The following DNAJC5B variants were observed in gnomAD, a reference collection of about 807,000 sequenced individuals.
The protein encoded by DNAJC5B is DnaJ heat shock protein family (Hsp40) member C5 beta, also known as dnaJ homolog subfamily C member 5B.
In DNAJC5B, 23 loss-of-function variants were observed where a neutral mutation model predicts 24.7. The observed-to-expected ratio is 0.93, with a 90% CI of 0.67 to 1.32. The LOEUF is 1.32. Ranked by LOEUF, DNAJC5B falls within the 40% of genes most tolerant of loss-of-function variation. The pLI, the probability that DNAJC5B is intolerant of heterozygous loss-of-function variation, is 0.00. For missense variants in DNAJC5B, 238 were observed against 240.8 expected (o/e 0.99, Z 0.08); for synonymous variants, 101 against 90.1 (o/e 1.12, Z -0.68).
intron 5 of DNAJC5B, among the ~76,000 whole-genome samples, chr8:66,083,441 T>A (rs1002870182): frequency 2.0e-5 from 3 of 152,224 alleles, no homozygotes; most frequent in African/African-American, 7.2e-5. Context: ...GATAATGTTG[T>A]CTACATTTTT....
the DNAJC5B span, among the ~76,000 whole-genome samples, chr8:66,016,065 G>A: frequency 0.015 from 2,298 of 152,332 alleles, 19 homozygotes; most frequent in Non-Finnish European, 0.024. Flanking sequence ...TAAGACTAAG[G>A]CACTGGCCTT....
At chr8:66,075,992 G>A (rs1167508121) in intron 3 of DNAJC5B, among the ~76,000 whole-genome samples, 2 of 152,216 alleles carry the variant, frequency 1.3e-5, no homozygotes, top group Admixed American at 1.3e-4. Flanking sequence ...ATTTCCAGCA[G>A]AGTCCCTCAG....
At chr8:66,029,603 G>A (rs1220172744) in intron 1 of DNAJC5B, among the ~76,000 whole-genome samples, 1 of 152,174 alleles carries the variant, frequency 6.6e-6, no homozygotes, top group East Asian at 1.9e-4. Context: ...GAGATAATAA[G>A]CTTGGTCAAG....
intron 1 of DNAJC5B, among the ~76,000 whole-genome samples, chr8:66,040,900 A>T (rs1353797327): frequency 6.6e-6 from 1 of 152,144 alleles, no homozygotes; most frequent in Non-Finnish European, 1.5e-5. Flanking sequence ...TTTAAAAGGG[A>T]CTTTTTTTTT....
At position 66,100,006 on chromosome 8, in the gene DNAJC5B, C is replaced by T. The variant is rs1260512929; in HGVS notation, c.575C>T (p.Ser192Phe). 1 of 1,613,880 alleles carries T rather than the reference C, an allele frequency of 6.2e-7. No homozygotes were observed. Among genetic ancestry groups the T allele is most frequent in the Admixed American group, 1.7e-5 (1 of 59,978 alleles). The change falls in exon 6 of 6, where the codon TCT becomes TTT. Residue 192 changes from serine (S) to phenylalanine (F), a missense_variant. Ser to Phe is a radical substitution (Grantham distance 155). Coordinates refer to ENST00000276570, the MANE Select transcript of DNAJC5B (RefSeq NM_033105.6). Reference sequence around the variant, plus strand: ...AAAACACAGCTAATCAAAGAAGGATCTCGAAGTTATTGCACAGACTCTTGA... The same window carrying T: ...AAAACACAGCTAATCAAAGAAGGATTTCGAAGTTATTGCACAGACTCTTGA... ...NEKTQLIKEG[S>F]RSYCTDS
chr8:66,026,391 C>T (rs893210319), intron 1 of DNAJC5B, among the ~76,000 whole-genome samples: 1 of 152,148 alleles, frequency 6.6e-6, no homozygotes, highest in Admixed American at 6.5e-5. Context: ...CACAGGTATG[C>T]CAAGCAAACT....
At position 66,051,617 on chromosome 8, in the gene DNAJC5B, C is replaced by A. The variant is rs765630109; in HGVS notation, c.70C>A (p.Leu24Ile). 5.0e-6 allele frequency: 8 copies of A among 1,614,118 alleles called. No individual in the cohort carries two copies. The highest frequency in any genetic ancestry group is 5.9e-6 in the Non-Finnish European group (7 of 1,180,020). Residue 24 changes from leucine (L) to isoleucine (I), a missense_variant, in exon 3 of 6, where the codon CTT becomes ATT. Transcript: ENST00000276570. ...STTGEALYEI[L>I]GLHKGASNEE... ...AACAGGAGAAGCTCTATACGAAATT[C>A]TTGGTCTGCATAAGGGAGCATCAAA... is the stretch of plus-strand genomic sequence containing the variant.
chr8:66,067,070 A>G (rs904464795), intron 3 of DNAJC5B, among the ~76,000 whole-genome samples: 4 of 152,148 alleles, frequency 2.6e-5, no homozygotes, highest in African/African-American at 9.7e-5. Flanking sequence ...AAAGAAGACA[A>G]CGAAGACATA....
the DNAJC5B span, among the ~76,000 whole-genome samples, chr8:66,015,602 G>C: frequency 6.6e-6 from 1 of 152,014 alleles, no homozygotes; most frequent in Non-Finnish European, 1.5e-5. Flanking sequence ...GTAGAAATTA[G>C]CTAAAGGGAA....
At chr8:66,098,997 GTCTC>G (rs146100489) in intron 5 of DNAJC5B, among the ~76,000 whole-genome samples, 3,538 of 142,878 alleles carry the variant, frequency 0.025, 144 homozygotes, top group African/African-American at 0.086. Context: ...GTCTCTCTCT[GTCTC>G]TCTCTCTCTC....
chr8:66,060,574 T>C (rs1807059670), intron 3 of DNAJC5B, among the ~76,000 whole-genome samples: 1 of 152,198 alleles, frequency 6.6e-6, no homozygotes. Flanking sequence ...ACTGGGTAAA[T>C]AAAGTGTATT....
intron 1 of DNAJC5B, among the ~76,000 whole-genome samples, chr8:66,033,682 GAACA>G: frequency 6.6e-6 from 1 of 150,618 alleles, no homozygotes; most frequent in Non-Finnish European, 1.5e-5. Context: ...TCTACCAGCC[GAACA>G]CTTCCACAAG....
At chr8:66,089,509 C>T (rs966359508) in intron 5 of DNAJC5B, among the ~76,000 whole-genome samples, 12 of 152,168 alleles carry the variant, frequency 7.9e-5, no homozygotes, top group Non-Finnish European at 1.8e-4. Context: ...AAATATTTTT[C>T]ACCTGCCTTA....
At chr8:66,050,932 C>T (rs1057261097) in intron 2 of DNAJC5B, among the ~76,000 whole-genome samples, 17 of 152,188 alleles carry the variant, frequency 1.1e-4, no homozygotes, top group African/African-American at 3.9e-4. Context: ...AATTAGCATA[C>T]ACAGTAGCTC....
At chr8:66,029,144 C>G (rs997669256) in intron 1 of DNAJC5B, among the ~76,000 whole-genome samples, 24 of 152,250 alleles carry the variant, frequency 1.6e-4, no homozygotes, top group Non-Finnish European at 3.4e-4. Flanking sequence ...CTGCTTTCCT[C>G]TCTCTGCTTC....
intron 5 of DNAJC5B, among the ~76,000 whole-genome samples, chr8:66,093,161 A>G (rs549539583): frequency 2.6e-5 from 4 of 152,314 alleles, no homozygotes; most frequent in Middle Eastern, 3.4e-3. Flanking sequence ...ACATTTGAGT[A>G]CTGTCCACTT....
intron 2 of DNAJC5B, among the ~76,000 whole-genome samples, chr8:66,046,268 C>T (rs1316707340): frequency 1.3e-5 from 2 of 152,212 alleles, no homozygotes; most frequent in Non-Finnish European, 2.9e-5. Flanking sequence ...GGAGCTCCCT[C>T]TTAGTCCACG....
chr8:66,039,106 C>G (rs956438304), intron 1 of DNAJC5B, among the ~76,000 whole-genome samples: 1 of 152,134 alleles, frequency 6.6e-6, no homozygotes, highest in African/African-American at 2.4e-5. Context: ...ACACATGCAC[C>G]ATTTGGCACA....
intron 3 of DNAJC5B, among the ~76,000 whole-genome samples, chr8:66,069,873 G>T (rs1807306982): frequency 6.6e-6 from 1 of 152,184 alleles, no homozygotes; most frequent in South Asian, 2.1e-4. Flanking sequence ...GAACAAGTTG[G>T]CTTCATCCCT....
Sources: gnomAD v4.1 joint callset for allele counts (sites outside exome capture counted in the v4.1 genomes callset) on GRCh38, gnomAD v4.1.1 for gene constraint, MANE v1.5 for transcripts, NCBI Gene and HGNC (gene_info 2026-07-23, HGNC 2026-07-21) for gene names.